Variants in ADCK1 observed in about 807,000 individuals in gnomAD.
ADCK1 encodes the protein aarF domain containing kinase 1.
ADCK1 carries 41 observed loss-of-function variants against 52.3 expected under a neutral mutation model. The observed-to-expected ratio is 0.78, with a 90% CI of 0.61 to 1.02. The LOEUF (loss-of-function observed/expected upper bound fraction) is 1.02, where lower values mean the gene tolerates loss of function less well. Among genes scored for constraint, ADCK1 ranks in the 50% least tolerant of loss-of-function variants. The pLI is 0.00. For synonymous variants in ADCK1, 250 were observed against 274.6 expected, an observed-to-expected ratio of 0.91 and a Z score of 0.89; for missense variants, 658 against 679.5, an observed-to-expected ratio of 0.97 and a Z score of 0.35.
rs76757363 is a variant in ADCK1 at position 77,874,035 on chromosome 14, C to T, written c.424-13056C>T. Among the ~76,000 whole-genome samples the T allele has an allele frequency of 7.1e-3, 1,088 of 152,298 alleles. 15 individuals carry two copies. The highest frequency in any genetic ancestry group is 0.025 in the African/African-American group (1,033 of 41,562). ...ACTAATACCCAAGGTGAGGTGACTT[C>T]GCTGAGGTCCCACAGCTGGGTGGTG... On this transcript the variant is annotated intron_variant, in intron 4 of 10. Coordinates refer to ENST00000238561, the MANE Select transcript of ADCK1 (RefSeq NM_020421.4).
intron 1 of ADCK1, among the ~76,000 whole-genome samples, chr14:77,815,485 T>C (rs2081428264): frequency 6.6e-6 from 1 of 151,640 alleles, no homozygotes; most frequent in African/African-American, 2.4e-5. Context: ...GCTGGGATTA[T>C]AGGCATGAGT....
intron 6 of ADCK1, among the ~76,000 whole-genome samples, chr14:77,906,544 C>T (rs2083670103): frequency 6.6e-6 from 1 of 152,180 alleles, no homozygotes. Context: ...CAACTGAAAG[C>T]CTCATTTAGA....
chr14:77,916,147 AGTT>A (rs1167481792), intron 7 of ADCK1, among the ~76,000 whole-genome samples: 1 of 152,094 alleles, frequency 6.6e-6, no homozygotes, highest in Non-Finnish European at 1.5e-5. Flanking sequence ...CTTTGGACTG[AGTT>A]GTTGTCCAAG....
chr14:77,878,844 A>C (rs117754831), intron 4 of ADCK1, among the ~76,000 whole-genome samples: 8,517 of 152,232 alleles, frequency 0.056, 321 homozygotes, highest in Middle Eastern at 0.12. Context: ...TATGAAGAAT[A>C]ATTTATCAAA....
intron 3 of ADCK1, among the ~76,000 whole-genome samples, chr14:77,831,171 C>T (rs1399044733): frequency 1.3e-5 from 2 of 152,148 alleles, no homozygotes; most frequent in Non-Finnish European, 2.9e-5. Flanking sequence ...GAGGAAGGAG[C>T]TGAAAATCAA....
At chr14:77,807,218 G>A (rs1202882193) in intron 1 of ADCK1, among the ~76,000 whole-genome samples, 1 of 151,546 alleles carries the variant, frequency 6.6e-6, no homozygotes, top group African/African-American at 2.4e-5. Flanking sequence ...ACAGGCGCCC[G>A]CCACCACGCC....
chr14:77,861,706 C>T (rs559447712), intron 4 of ADCK1, among the ~76,000 whole-genome samples: 13 of 152,222 alleles, frequency 8.5e-5, no homozygotes, highest in South Asian at 8.3e-4. Context: ...CTGTAGAGAG[C>T]GGTGGTGTGG....
At chr14:77,862,292 C>A (rs550542928) in intron 4 of ADCK1, among the ~76,000 whole-genome samples, 130 of 152,308 alleles carry the variant, frequency 8.5e-4, no homozygotes, top group African/African-American at 3.0e-3. Flanking sequence ...AAAGTGACCT[C>A]GTTCTGGACT....
intron 6 of ADCK1, among the ~76,000 whole-genome samples, chr14:77,903,539 C>T (rs546353647): frequency 6.6e-6 from 1 of 152,186 alleles, no homozygotes; most frequent in Admixed American, 6.6e-5. Flanking sequence ...TGATTAAGGC[C>T]AGGCTTAGTG....
chr14:77,896,195 G>A (rs1471278426), intron 5 of ADCK1, among the ~76,000 whole-genome samples: 4 of 152,104 alleles, frequency 2.6e-5, no homozygotes, highest in Admixed American at 1.3e-4. Flanking sequence ...AATCTTTAAT[G>A]TGCCTTTCAG....
intron 7 of ADCK1, among the ~76,000 whole-genome samples, chr14:77,922,630 A>T (rs182086922): frequency 5.9e-5 from 9 of 152,334 alleles, no homozygotes; most frequent in Admixed American, 2.0e-4. Flanking sequence ...TCAATTGAAA[A>T]GTGCAGAAGT....
intron 1 of ADCK1, among the ~76,000 whole-genome samples, chr14:77,807,697 T>C (rs1393330478): frequency 2.6e-5 from 4 of 151,392 alleles, no homozygotes; most frequent in African/African-American, 9.7e-5. Context: ...TTAGTAGAGA[T>C]GGGGTTTCTC....
At chr14:77,863,542 A>G (rs1325664707) in intron 4 of ADCK1, among the ~76,000 whole-genome samples, 1 of 152,120 alleles carries the variant, frequency 6.6e-6, no homozygotes, top group Non-Finnish European at 1.5e-5. Flanking sequence ...AGCCTATTTC[A>G]AGAAATGGTC....
At chr14:77,808,666 C>T (rs769137350) in intron 1 of ADCK1, among the ~76,000 whole-genome samples, 6 of 152,190 alleles carry the variant, frequency 3.9e-5, no homozygotes, top group Non-Finnish European at 8.8e-5. Context: ...ACCTCTGCCT[C>T]CTGGGTTCAA....
rs2084345246 is a variant in ADCK1 at position 77,931,730 on chromosome 14, C to T, written c.1400+19C>T. The T allele has an allele frequency of 6.3e-7, 1 of 1,593,626 alleles. No homozygotes were observed. Among genetic ancestry groups the T allele is most frequent in the Non-Finnish European group, 8.5e-7 (1 of 1,174,920 alleles). On this transcript the variant is annotated intron_variant, in intron 10 of 10. Transcript: ENST00000238561. ...TAGCTGAGTGAGTGTGGGCTCCTCC[C>T]TCTCCTCCCCTCCTAGCCCCCTGGC...
intron 3 of ADCK1, among the ~76,000 whole-genome samples, chr14:77,847,056 G>A (rs1237394591): frequency 1.3e-5 from 2 of 152,212 alleles, no homozygotes; most frequent in Non-Finnish European, 2.9e-5. Context: ...AGGAGGAGGT[G>A]AAGGGAGGCA....
intron 4 of ADCK1, among the ~76,000 whole-genome samples, chr14:77,879,313 C>T (rs1329583590): frequency 6.6e-6 from 1 of 152,176 alleles, no homozygotes; most frequent in Admixed American, 6.5e-5. Flanking sequence ...GGAGATTAAG[C>T]AAATATGAAG....
intron 3 of ADCK1, among the ~76,000 whole-genome samples, chr14:77,824,394 C>T (rs150143895): frequency 5.4e-4 from 82 of 151,882 alleles, no homozygotes; most frequent in African/African-American, 1.9e-3. Flanking sequence ...TTCAATTTCC[C>T]TTGTCCCCAA....
At chr14:77,889,812 A>G (rs777253785) in intron 5 of ADCK1, among the ~76,000 whole-genome samples, 2 of 149,672 alleles carry the variant, frequency 1.3e-5, no homozygotes, top group Non-Finnish European at 3.0e-5. Context: ...CAAATTCAGC[A>G]TGTATGAGTA....
Sources: gnomAD v4.1 joint callset for allele counts (sites outside exome capture counted in the v4.1 genomes callset) on GRCh38, gnomAD v4.1.1 for gene constraint, MANE v1.5 for transcripts, NCBI Gene and HGNC (gene_info 2026-07-23, HGNC 2026-07-21) for gene names.